ATP11B: variants seen among roughly 807,000 people sequenced by gnomAD.
The protein encoded by ATP11B is phospholipid-transporting ATPase IF.
ATP11B carries 81 observed loss-of-function variants against 157.8 expected under a neutral mutation model. That is an observed-to-expected ratio of 0.51 (90% CI 0.43 to 0.62). The LOEUF is 0.62. Among genes scored for constraint, ATP11B ranks in the 20% least tolerant of loss-of-function variants. ATP11B has a pLI of 0.00. For missense variants in ATP11B, 1,165 were observed against 1,402.2 expected, an observed-to-expected ratio of 0.83 and a Z score of 2.70; for synonymous variants, 451 against 469.4, an observed-to-expected ratio of 0.96 and a Z score of 0.51.
chr3:182,846,510 A>G (rs1320887902), intron 9 of ATP11B, among the ~76,000 whole-genome samples: 1 of 152,224 alleles, frequency 6.6e-6, no homozygotes. Context: ...GTTCAAACGA[A>G]AACTTCTACA....
chr3:182,814,865 A>G (rs1262722605), intron 1 of ATP11B, among the ~76,000 whole-genome samples: 3 of 152,292 alleles, frequency 2.0e-5, no homozygotes, highest in Middle Eastern at 3.4e-3. Flanking sequence ...ATTAGAATTC[A>G]GTGTAATGAA....
At chr3:182,857,620 C>A (rs1720508605) in intron 10 of ATP11B, among the ~76,000 whole-genome samples, 1 of 151,202 alleles carries the variant, frequency 6.6e-6, no homozygotes, top group African/African-American at 2.4e-5. Context: ...CTAAAACCGT[C>A]ATTTACTGTA....
chr3:182,803,563 C>G (rs934467505), intron 1 of ATP11B, among the ~76,000 whole-genome samples: 16 of 151,942 alleles, frequency 1.1e-4, no homozygotes, highest in African/African-American at 3.6e-4. Context: ...TTGACAATTC[C>G]TTTGTTATAC....
intron 13 of ATP11B, 68 bp from the exon 14 acceptor site, chr3:182,866,200 G>A: frequency 8.4e-7 from 1 of 1,189,994 alleles, no homozygotes; most frequent in Non-Finnish European, 1.1e-6. Context: ...TTAGAATTTT[G>A]CCTCTGGTTT....
At chr3:182,863,644 T>G (rs1251115550) in intron 12 of ATP11B, among the ~76,000 whole-genome samples, 2 of 152,010 alleles carry the variant, frequency 1.3e-5, no homozygotes, top group Non-Finnish European at 2.9e-5. Context: ...AAACAACTCT[T>G]AGGAAGGTTT....
At chr3:182,842,953 T>C (rs1036099489) in intron 8 of ATP11B, among the ~76,000 whole-genome samples, 2 of 152,224 alleles carry the variant, frequency 1.3e-5, no homozygotes, top group Non-Finnish European at 2.9e-5. Flanking sequence ...CACTCAGGTT[T>C]GCAGGCTTCT....
intron 12 of ATP11B, among the ~76,000 whole-genome samples, chr3:182,861,127 G>A (rs1454720068): frequency 1.0e-4 from 15 of 149,542 alleles, no homozygotes; most frequent in Non-Finnish European, 1.5e-4. Context: ...GTGCAATGGC[G>A]CAATCTTGGC....
At chr3:182,906,035 C>T in intron 28 of ATP11B, 1 of 328,482 alleles carries the variant, frequency 3.0e-6, no homozygotes. Flanking sequence ...CTTCACTGTT[C>T]CTCATATGTT....
At chr3:182,895,942 A>G (rs906641701) in intron 25 of ATP11B, among the ~76,000 whole-genome samples, 1 of 152,172 alleles carries the variant, frequency 6.6e-6, no homozygotes, top group African/African-American at 2.4e-5. Flanking sequence ...GATGTTTCTC[A>G]TGTCCCGAAC....
chr3:182,840,883 G>GT (rs752640046), intron 7 of ATP11B, among the ~76,000 whole-genome samples: 4 of 152,152 alleles, frequency 2.6e-5, no homozygotes, highest in Non-Finnish European at 4.4e-5. Flanking sequence ...CTTTTTAAAT[G>GT]TAAGTCAGAT....
At chr3:182,894,043 T>C (rs1723352404) in intron 25 of ATP11B, among the ~76,000 whole-genome samples, 1 of 152,210 alleles carries the variant, frequency 6.6e-6, no homozygotes, top group South Asian at 2.1e-4. Context: ...TTTTTCTTGC[T>C]GATCCGTTTG....
At chr3:182,811,679 CTAAG>C (rs1452141906) in intron 1 of ATP11B, among the ~76,000 whole-genome samples, 2 of 152,112 alleles carry the variant, frequency 1.3e-5, no homozygotes, top group African/African-American at 4.8e-5. Context: ...CTGTAGAACA[CTAAG>C]TATATGATTA....
intron 1 of ATP11B, among the ~76,000 whole-genome samples, chr3:182,816,481 G>A (rs1716975195): frequency 6.6e-6 from 1 of 152,180 alleles, no homozygotes; most frequent in African/African-American, 2.4e-5. Flanking sequence ...TTCCTTTCCA[G>A]TGTCATAGAA....
chr3:182,914,146 T>C (rs1217549980), intron 29 of ATP11B, 152 bp downstream of exon 29: 3 of 1,453,904 alleles, frequency 2.1e-6, no homozygotes, highest in African/African-American at 2.9e-5. Flanking sequence ...TGGTGGTAGA[T>C]TTCACTTTGT....
intron 28 of ATP11B, among the ~76,000 whole-genome samples, chr3:182,905,514 G>GA (rs1724282740): frequency 6.6e-6 from 1 of 152,172 alleles, no homozygotes; most frequent in Non-Finnish European, 1.5e-5. Context: ...TTTAATAGAA[G>GA]AAACTGAATT....
intron 1 of ATP11B, among the ~76,000 whole-genome samples, chr3:182,800,207 CAA>C (rs1194840680): frequency 1.3e-5 from 2 of 151,852 alleles, no homozygotes; most frequent in African/African-American, 2.4e-5. Context: ...GCCAATACTT[CAA>C]GTTAGAAATT....
At chr3:182,853,181 G>A (rs1720108739) in intron 10 of ATP11B, among the ~76,000 whole-genome samples, 1 of 152,212 alleles carries the variant, frequency 6.6e-6, no homozygotes, top group East Asian at 1.9e-4. Flanking sequence ...GTTGGTCTCA[G>A]AATACAAGGT....
At chr3:182,917,734 C>G in intron 29 of ATP11B, 2 of 985,022 alleles carry the variant, frequency 2.0e-6, no homozygotes, top group Non-Finnish European at 2.4e-6. Flanking sequence ...ATTGTTAACA[C>G]TTTAAAAGCA....
At chr3:182,841,995 A>AG (rs1454745052) in intron 7 of ATP11B, 80 bp from the exon 8 acceptor site, 2 of 926,550 alleles carry the variant, frequency 2.2e-6, no homozygotes, top group Non-Finnish European at 3.3e-6. Context: ...AAAAAAAAAA[A>AG]AACAAAGGAT....
Sources: allele counts gnomAD v4.1 joint callset (sites outside exome capture counted in the v4.1 genomes callset), GRCh38; gene constraint gnomAD v4.1.1; transcripts MANE v1.5; gene names NCBI Gene and HGNC (gene_info 2026-07-23, HGNC 2026-07-21).